CNTN4: variants seen among roughly 807,000 people sequenced by gnomAD.
CNTN4 encodes contactin 4, also known as contactin-4.
Under a neutral mutation model 122.5 loss-of-function variants are expected in CNTN4, and 77 were observed. That is an observed-to-expected ratio of 0.63 (90% confidence interval 0.52 to 0.76). The LOEUF is 0.76. Ranked by LOEUF, CNTN4 falls within the 30% of genes least tolerant of loss-of-function variation. The pLI is 0.00. For synonymous variants in CNTN4, 512 were observed against 447.0 expected, an observed-to-expected ratio of 1.15 and a Z score of -1.83; for missense variants, 1,256 against 1,259.1, an observed-to-expected ratio of 1.00 and a Z score of 0.04.
At chr3:3,038,791 A>T in intron 18 of CNTN4, 142 bp from the exon 19 acceptor site, 1 of 665,210 alleles carries the variant, frequency 1.5e-6, no homozygotes, top group South Asian at 1.8e-5. Flanking sequence ...GGGCCCCTTG[A>T]CAATGCTGTT....
At chr3:2,227,843 C>A (rs2039343396) in intron 2 of CNTN4, among the ~76,000 whole-genome samples, 1 of 152,034 alleles carries the variant, frequency 6.6e-6, no homozygotes, top group African/African-American at 2.4e-5. Context: ...TTGTTGGATT[C>A]ATTTGTTTGT....
At chr3:3,042,277 T>C (rs775825756) in intron 20 of CNTN4, 33 bp from the exon 21 acceptor site, 10 of 1,386,014 alleles carry the variant, frequency 7.2e-6, no homozygotes, top group Admixed American at 3.3e-5. Flanking sequence ...ATATAGCTGA[T>C]AGAGTAATAA....
At chr3:2,124,267 C>T (rs774007072) in intron 2 of CNTN4, among the ~76,000 whole-genome samples, 24 of 152,140 alleles carry the variant, frequency 1.6e-4, no homozygotes, top group South Asian at 8.3e-4. Context: ...CATCAACTTC[C>T]GCTGTCACTT....
intron 3 of CNTN4, among the ~76,000 whole-genome samples, chr3:2,450,742 GC>G (rs2048799458): frequency 6.6e-6 from 1 of 152,184 alleles, no homozygotes; most frequent in Admixed American, 6.5e-5. Context: ...TTGGACCAAA[GC>G]CCCCACTTTG....
At chr3:2,154,628 A>C (rs1362484363) in intron 2 of CNTN4, among the ~76,000 whole-genome samples, 1 of 152,218 alleles carries the variant, frequency 6.6e-6, no homozygotes, top group Non-Finnish European at 1.5e-5. Context: ...ACTTCCTTAG[A>C]TCTCAGATTT....
rs190737247 is a variant in CNTN4 at position 2,206,509 on chromosome 3, C to G, written c.-145+105870C>G. On this transcript the variant is annotated intron_variant, in intron 2 of 24. Coordinates refer to ENST00000418658, the MANE Select transcript of CNTN4 (RefSeq NM_175607.3). Reference sequence around the variant, plus strand: ...TAACATTTTTAAGGATTGGATTTTTCTGAAAAAAATAAGAAGACATATTTG... The same window carrying G: ...TAACATTTTTAAGGATTGGATTTTTGTGAAAAAAATAAGAAGACATATTTG... Among the ~76,000 whole-genome samples the G allele has an allele frequency of 1.1e-4, 17 of 151,000 alleles. No homozygotes were observed. In the East Asian group the frequency reaches 3.1e-3, roughly 27 times the overall value.
At chr3:2,510,116 C>T (rs2076841070) in intron 3 of CNTN4, among the ~76,000 whole-genome samples, 1 of 152,174 alleles carries the variant, frequency 6.6e-6, no homozygotes, top group African/African-American at 2.4e-5. Context: ...CAGTTGATCA[C>T]TGGCCCCTAA....
intron 4 of CNTN4, among the ~76,000 whole-genome samples, chr3:2,641,783 A>G (rs2150121619): frequency 6.6e-6 from 1 of 152,354 alleles, no homozygotes; most frequent in East Asian, 1.9e-4. Context: ...GATTGATGCC[A>G]GAAAGGAAGA....
intron 2 of CNTN4, among the ~76,000 whole-genome samples, chr3:2,102,976 G>A (rs1217395862): frequency 6.7e-6 from 1 of 150,006 alleles, no homozygotes; most frequent in Non-Finnish European, 1.5e-5. Context: ...AATAATAGAA[G>A]CAGTTAATAC....
At chr3:2,180,589 T>C (rs1262575445) in intron 2 of CNTN4, among the ~76,000 whole-genome samples, 2 of 152,082 alleles carry the variant, frequency 1.3e-5, no homozygotes, top group Non-Finnish European at 2.9e-5. Flanking sequence ...TTAGGGTTTC[T>C]CCTGACCTTC....
At chr3:2,615,458 T>C (rs1425342041) in intron 4 of CNTN4, among the ~76,000 whole-genome samples, 1 of 152,190 alleles carries the variant, frequency 6.6e-6, no homozygotes, top group Non-Finnish European at 1.5e-5. Context: ...TACTTTCATG[T>C]AGGTAAAGGG....
chr3:2,327,295 A>G lies in CNTN4; in HGVS notation c.-144-11883A>G, dbSNP rs376779027. ...ATGGATTTTGCTTCAAAATTAGTCA[A>G]GAAATCAATCCTGGAAGTTATTGTG... On this transcript the variant is annotated intron_variant, in intron 2 of 24. Coordinates refer to ENST00000418658, the MANE Select transcript of CNTN4 (RefSeq NM_175607.3). Among the ~76,000 whole-genome samples the G allele has an allele frequency of 1.2e-3, 179 of 152,332 alleles. 1 individual carries two copies. The highest frequency in any genetic ancestry group is 4.1e-3 in the African/African-American group (171 of 41,566).
At chr3:3,000,955 C>T (rs899867569) in intron 14 of CNTN4, among the ~76,000 whole-genome samples, 14 of 150,712 alleles carry the variant, frequency 9.3e-5, no homozygotes, top group Admixed American at 1.3e-4. Context: ...AAGGTTATTC[C>T]GCTAATTTTG....
intron 2 of CNTN4, among the ~76,000 whole-genome samples, chr3:2,135,712 C>T (rs1014140287): frequency 6.6e-6 from 1 of 151,526 alleles, no homozygotes; most frequent in Non-Finnish European, 1.5e-5. Flanking sequence ...ATGTAAAATA[C>T]ACTCTCTCAT....
At chr3:2,980,117 GA>G (rs1443005123) in intron 13 of CNTN4, among the ~76,000 whole-genome samples, 5 of 152,350 alleles carry the variant, frequency 3.3e-5, no homozygotes, top group Middle Eastern at 3.4e-3. Context: ...TGTGAAGAAA[GA>G]TAGATTCAAT....
chr3:2,792,693 A>G (rs376255356), intron 6 of CNTN4, among the ~76,000 whole-genome samples: 7 of 152,246 alleles, frequency 4.6e-5, no homozygotes, highest in Admixed American at 1.3e-4. Flanking sequence ...TTCACTTAGC[A>G]CTCACTTCTA....
intron 2 of CNTN4, among the ~76,000 whole-genome samples, chr3:2,124,776 A>G (rs2034033514): frequency 2.0e-5 from 3 of 152,094 alleles, no homozygotes; most frequent in African/African-American, 7.2e-5. Flanking sequence ...CAACCAACCA[A>G]CCAACAAAAA....
intron 3 of CNTN4, among the ~76,000 whole-genome samples, chr3:2,403,637 T>G (rs902148773): frequency 6.6e-6 from 1 of 152,192 alleles, no homozygotes; most frequent in Non-Finnish European, 1.5e-5. Flanking sequence ...ATTTTGTGGT[T>G]TCTGAGAATC....
intron 2 of CNTN4, among the ~76,000 whole-genome samples, chr3:2,185,462 C>A (rs2037206780): frequency 6.6e-6 from 1 of 152,054 alleles, no homozygotes; most frequent in South Asian, 2.1e-4. Context: ...GGGTCTGAAA[C>A]TTAGGGGATT....
Sources: allele counts gnomAD v4.1 joint callset (sites outside exome capture counted in the v4.1 genomes callset), GRCh38; gene constraint gnomAD v4.1.1; transcripts MANE v1.5; gene names NCBI Gene and HGNC (gene_info 2026-07-23, HGNC 2026-07-21).